Variants in WDR26 observed in about 807,000 individuals in gnomAD.
WDR26 encodes the protein WD repeat domain 26, also known as WD repeat-containing protein 26.
A neutral mutation model predicts 84.1 loss-of-function variants in WDR26; 5 were observed. The ratio of observed to expected loss-of-function variants is 0.06; its 90% CI spans 0.03 to 0.13. WDR26 has a LOEUF of 0.13. WDR26 is among the 10% of genes least tolerant of loss of function. The pLI is 1.00. For synonymous variants in WDR26, 415 were observed against 389.6 expected, an observed-to-expected ratio of 1.07 and a Z score of -0.77; for missense variants, 642 against 974.9, an observed-to-expected ratio of 0.66 and a Z score of 4.55.
intron 9 of WDR26, among the ~76,000 whole-genome samples, chr1:224,399,413 T>C (rs900721640): frequency 6.6e-6 from 1 of 152,148 alleles, no homozygotes; most frequent in Non-Finnish European, 1.5e-5. Context: ...TATTTAGGAG[T>C]TGTGAAATGG....
intron 6 of WDR26, among the ~76,000 whole-genome samples, chr1:224,413,922 G>A (rs1673814135): frequency 1.3e-5 from 2 of 152,224 alleles, no homozygotes; most frequent in South Asian, 4.1e-4. Flanking sequence ...TGATTCTCCT[G>A]CCTCAGCCTC....
At chr1:224,407,151 A>AAAAAAAATATAT in intron 7 of WDR26, among the ~76,000 whole-genome samples, 1 of 11,876 alleles carries the variant, frequency 8.4e-5, no homozygotes, top group Non-Finnish European at 1.4e-4. Flanking sequence ...AAAAAAAAAA[A>AAAAAAAATATAT]ATATATATAT....
intron 4 of WDR26, among the ~76,000 whole-genome samples, chr1:224,424,053 A>ACC (rs35256250): frequency 6.6e-5 from 10 of 151,518 alleles, no homozygotes; most frequent in Admixed American, 2.0e-4. Context: ...TCTACCCTTC[A>ACC]CCCCCCAAAA....
At chr1:224,395,912 C>A (rs1673247612) in intron 12 of WDR26, among the ~76,000 whole-genome samples, 1 of 152,116 alleles carries the variant, frequency 6.6e-6, no homozygotes, top group Non-Finnish European at 1.5e-5. Context: ...ATTGCCAGCA[C>A]AATGAAAAGG....
rs191787965 is a variant in WDR26, at chr1:224,403,900, G to A, written c.1599+530C>T. 3.3e-4 allele frequency among the ~76,000 whole-genome samples: 51 copies of A among 152,290 alleles called. No homozygotes were observed. In the East Asian group the frequency reaches 9.5e-3, roughly 28 times the overall value. On this transcript the variant is annotated intron_variant, in intron 8 of 13. Coordinates refer to ENST00000414423, the MANE Select transcript of WDR26 (RefSeq NM_001379403.1). ...TGCAGTGAGCCGAGATTGCGCCACC[G>A]CACTCCAGCCTGGGCGACAGAGCGA...
At position 224,387,716 on chromosome 1, in the gene WDR26, GCC is replaced by G. The variant is rs1412660315; in HGVS notation, c.*2117_*2118del. On this transcript the variant is annotated 3_prime_UTR_variant, in exon 14 of 14. Transcript: ENST00000414423. ...TTGTAAACAGCTGTGGAGTTTCTAT[GCC>G]CACATTTAGTGATGTTACCATAGAG... The G allele has an allele frequency of 6.6e-6, 1 of 152,486 alleles. No homozygotes were observed. Among genetic ancestry groups the G allele is most frequent in the Non-Finnish European group, 1.5e-5 (1 of 67,998 alleles). The allele number at this position is 152,486 out of a possible 1,614,324, so 9.4% of individuals were successfully genotyped here. A position where few individuals can be genotyped will look rare whatever the true frequency, so the allele number is the denominator to read the frequency against.
chr1:224,427,297 G>A (rs1674258484), intron 3 of WDR26, among the ~76,000 whole-genome samples: 1 of 151,600 alleles, frequency 6.6e-6, no homozygotes, highest in Admixed American at 6.6e-5. Context: ...AAATTTCAGG[G>A]CAAGTTTTTT....
chr1:224,389,794 A>C lies in WDR26; in HGVS notation c.*41T>G. 1 of 1,571,860 alleles carries C rather than the reference A, an allele frequency of 6.4e-7. No individual in the cohort carries two copies. Among genetic ancestry groups the C allele is most frequent in the South Asian group, 1.1e-5 (1 of 90,134 alleles). On this transcript the variant is annotated 3_prime_UTR_variant, in exon 14 of 14. Transcript: ENST00000414423. Reference sequence around the variant, plus strand: ...AATCCCAAGCCATTAAAATACGACTAATTTTAAGTTAAACAGAAGTCGTCT... The same window carrying C: ...AATCCCAAGCCATTAAAATACGACTCATTTTAAGTTAAACAGAAGTCGTCT...
At chr1:224,390,413 G>A (rs1673092020) in intron 13 of WDR26, among the ~76,000 whole-genome samples, 1 of 152,212 alleles carries the variant, frequency 6.6e-6, no homozygotes, top group Non-Finnish European at 1.5e-5. Flanking sequence ...TGGCCACCGT[G>A]CCTAGCCTCA....
At chr1:224,412,762 C>T (rs940812130) in intron 6 of WDR26, 1 of 152,274 alleles carries the variant, frequency 6.6e-6, no homozygotes, top group African/African-American at 2.4e-5. Context: ...TGAAATGTGG[C>T]CAGTAAGCTG....
rs993727434 is a variant in WDR26 at position 224,386,313 on chromosome 1, A to G, written c.*3522T>C. 8 of 152,672 alleles carry G rather than the reference A, an allele frequency of 5.2e-5. No individual in the cohort carries two copies. The highest frequency in any genetic ancestry group is 8.8e-5 in the Non-Finnish European group (6 of 68,034). 9.5% of individuals were successfully genotyped at this position (152,672 alleles called of 1,614,324 possible). Reference sequence around the variant, plus strand: ...AAAGTAAAACCAAATCAAAATATTTATACATTTTAGAGATGGGACAAAAAG... The same window carrying G: ...AAAGTAAAACCAAATCAAAATATTTGTACATTTTAGAGATGGGACAAAAAG... On this transcript the variant is annotated 3_prime_UTR_variant, in exon 14 of 14. Coordinates refer to ENST00000414423, the MANE Select transcript of WDR26 (RefSeq NM_001379403.1).
rs1673315466 is a variant in WDR26 at position 224,398,250 on chromosome 1, T to C, written c.1945-24A>G. The C allele has an allele frequency of 1.9e-6, 3 of 1,601,714 alleles. No homozygotes were observed. The South Asian group carries it at 3.4e-5, about 18-fold the overall frequency. ...CCCTGCAGGCAAAGGAGAATACAGA[T>C]ATTTAATCTGCCTCAACTCAAACAA... On this transcript the variant is annotated intron_variant, in intron 11 of 13. Transcript: ENST00000414423.
At position 224,415,453 on chromosome 1, in the gene WDR26, C is replaced by CTTTTTTTTTT. The variant is rs149995544; in HGVS notation, c.1319+2797_1319+2806dup. Among the ~76,000 whole-genome samples the CTTTTTTTTTT allele has an allele frequency of 1.4e-3, 115 of 82,322 alleles. 5 individuals carry two copies. Among genetic ancestry groups the CTTTTTTTTTT allele is most frequent in the African/African-American group, 5.1e-3 (104 of 20,572 alleles). 54.0% of individuals were successfully genotyped at this position (82,322 alleles called of 152,430 possible). Reference sequence around the variant, plus strand: ...ACAATTCTGGAACACGTATTTCTTTCTTTTTTTTTTTTTTTTTTTTTTTTT... The same window carrying CTTTTTTTTTT: ...ACAATTCTGGAACACGTATTTCTTTCTTTTTTTTTTTTTTTTTTTTTTTTTTTTTTTTTTT... On this transcript the variant is annotated intron_variant, in intron 6 of 13. Transcript: ENST00000414423.
intron 1 of WDR26, among the ~76,000 whole-genome samples, chr1:224,433,143 C>T (rs1043968495): frequency 6.6e-6 from 1 of 152,156 alleles, no homozygotes; most frequent in African/African-American, 2.4e-5. Context: ...CAAATGATCC[C>T]AGCCCCTCCG....
chr1:224,428,455 T>C (rs1473561923), intron 3 of WDR26, among the ~76,000 whole-genome samples: 1 of 152,178 alleles, frequency 6.6e-6, no homozygotes, highest in Non-Finnish European at 1.5e-5. Flanking sequence ...ACTAGTTAAT[T>C]ATAGATGCCA....
chr1:224,407,122 TAAAAA>T (rs1158264938), intron 7 of WDR26, among the ~76,000 whole-genome samples: 3,187 of 11,272 alleles, frequency 0.28, 267 homozygotes, highest in Middle Eastern at 0.75. Flanking sequence ...ACTCTGTCTT[TAAAAA>T]AAAAAAAAAA....
intron 1 of WDR26, among the ~76,000 whole-genome samples, chr1:224,433,053 T>TAC (rs1373821318): frequency 5.9e-5 from 9 of 152,184 alleles, no homozygotes; most frequent in Non-Finnish European, 1.3e-4. Flanking sequence ...AGGCCTCTTG[T>TAC]ACACACACAC....
chr1:224,409,628 G>A (rs755574121), intron 7 of WDR26, among the ~76,000 whole-genome samples: 1 of 152,152 alleles, frequency 6.6e-6, no homozygotes, highest in Non-Finnish European at 1.5e-5. Context: ...TTGGGAGGTC[G>A]AGGTGGGCGA....
In WDR26 at chr1:224,387,899, A is replaced by T. The variant is rs549582181; in HGVS notation, c.*1936T>A. On this transcript the variant is annotated 3_prime_UTR_variant, in exon 14 of 14. Transcript: ENST00000414423. ...TTAAAGTAAAAAGTAATTTTAGTTA[A>T]GAAAAATGAAGTACCAGATAAACTG... is the stretch of plus-strand genomic sequence containing the variant. 5.2e-4 allele frequency: 79 copies of T among 152,762 alleles called. No homozygotes were observed. Among genetic ancestry groups the T allele is most frequent in the African/African-American group, 1.9e-3 (77 of 41,568 alleles). 9.5% of individuals were successfully genotyped at this position (152,762 alleles called of 1,614,324 possible).
Sources: allele counts gnomAD v4.1 joint callset (sites outside exome capture counted in the v4.1 genomes callset), GRCh38; gene constraint gnomAD v4.1.1; transcripts MANE v1.5; gene names NCBI Gene and HGNC (gene_info 2026-07-23, HGNC 2026-07-21).